The following RPA1 variants were observed in gnomAD, a reference collection of about 807,000 sequenced individuals.
RPA1 encodes replication protein A1.
RPA1 carries 49 observed loss-of-function variants against 83.0 expected under a neutral mutation model. That is an observed-to-expected ratio of 0.59 (90% CI 0.47 to 0.75). The LOEUF is 0.75. Ranked by LOEUF, RPA1 falls within the 30% of genes least tolerant of loss-of-function variation. RPA1 has a pLI of 0.00. For synonymous variants in RPA1, 279 were observed against 281.8 expected, an observed-to-expected ratio of 0.99 and a Z score of 0.10; for missense variants, 693 against 776.1, an observed-to-expected ratio of 0.89 and a Z score of 1.27.
chr17:1,861,364 T>G (rs1463494033), intron 5 of RPA1, among the ~76,000 whole-genome samples: 1 of 152,222 alleles, frequency 6.6e-6, no homozygotes, highest in African/African-American at 2.4e-5. Flanking sequence ...CAGCAGGCGC[T>G]ACCCCTCATT....
Position 1,896,781 on chromosome 17 carries a change from A to G in RPA1, c.1747-290A>G, listed in dbSNP as rs528232483. The stretch of plus-strand genomic sequence containing the variant: ...GGCTGTATCCCCTGCAGTAGGGAGA[A>G]TAAATGAAACTAGAGAAACCCTCTA... On this transcript the variant is annotated intron_variant, in intron 16 of 16. Transcript: ENST00000254719. Among the ~76,000 whole-genome samples, 3 of 152,340 alleles carry G rather than the reference A, an allele frequency of 2.0e-5. No individual in the cohort carries two copies. In the South Asian group the frequency reaches 6.2e-4, roughly 32 times the overall value.
chr17:1,891,265 C>T (rs1371670847), intron 14 of RPA1, among the ~76,000 whole-genome samples: 1 of 152,178 alleles, frequency 6.6e-6, no homozygotes, highest in Non-Finnish European at 1.5e-5. Context: ...AATTTGGTGA[C>T]TGACAGAGGC....
intron 5 of RPA1, among the ~76,000 whole-genome samples, chr17:1,864,831 T>C (rs1597440743): frequency 6.6e-6 from 1 of 151,246 alleles, no homozygotes; most frequent in Non-Finnish European, 1.5e-5. Flanking sequence ...GCCCGGGAGG[T>C]GGAAGTTGCA....
At chr17:1,849,235 G>A (rs979561459) in intron 4 of RPA1, among the ~76,000 whole-genome samples, 8 of 148,112 alleles carry the variant, frequency 5.4e-5, no homozygotes, top group African/African-American at 2.0e-4. Context: ...CTATTTAGTA[G>A]TTTATAGACA....
intron 8 of RPA1, among the ~76,000 whole-genome samples, chr17:1,878,666 T>G (rs1446446299): frequency 6.6e-6 from 1 of 152,218 alleles, no homozygotes; most frequent in Non-Finnish European, 1.5e-5. Context: ...TTCAACTTTT[T>G]TTGTTTTTAT....
chr17:1,856,829 A>G (rs1912718332), intron 5 of RPA1, among the ~76,000 whole-genome samples: 1 of 151,768 alleles, frequency 6.6e-6, no homozygotes. Context: ...ATATTATATA[A>G]CATACATATA....
chr17:1,847,281 C>A (rs1912298316), intron 4 of RPA1, among the ~76,000 whole-genome samples: 1 of 152,228 alleles, frequency 6.6e-6, no homozygotes, highest in Non-Finnish European at 1.5e-5. Flanking sequence ...GACCTTTTAT[C>A]TTCCACTCCA....
At position 1,897,477 on chromosome 17, in the gene RPA1, C is replaced by G; in HGVS notation, c.*302C>G. 1 of 266,928 alleles carries G rather than the reference C, an allele frequency of 3.7e-6. No homozygotes were observed. Among genetic ancestry groups the G allele is most frequent in the Admixed American group, 4.9e-5 (1 of 20,552 alleles). 16.5% of individuals were successfully genotyped at this position (266,928 alleles called of 1,614,324 possible). A position where few individuals can be genotyped will look rare whatever the true frequency, so the allele number is the denominator to read the frequency against. On this transcript the variant is annotated 3_prime_UTR_variant, in exon 17 of 17. Coordinates refer to ENST00000254719, the MANE Select transcript of RPA1 (RefSeq NM_002945.5). ...CATTATCATCAAGCAGGAATTATGTCGTAAGTCACTGACCCTAACTGCAGA... is the reference window on the plus strand; with the variant it reads ...CATTATCATCAAGCAGGAATTATGTGGTAAGTCACTGACCCTAACTGCAGA...
At chr17:1,869,617 A>G (rs2151282856) in intron 5 of RPA1, among the ~76,000 whole-genome samples, 1 of 152,330 alleles carries the variant, frequency 6.6e-6, no homozygotes, top group East Asian at 1.9e-4. Flanking sequence ...AAAGAGTCTG[A>G]GAACCATGAT....
rs774019120 is a variant in RPA1 at position 1,897,374 on chromosome 17, CTG to C, written c.*203_*204del. On this transcript the variant is annotated 3_prime_UTR_variant, in exon 17 of 17. Coordinates refer to ENST00000254719, the MANE Select transcript of RPA1 (RefSeq NM_002945.5). ...TACGCTCAGGTGGTTGTGGTGTAGACTGTGTCAGGCCTACGGAGTCAGCCAGT... is the reference window on the plus strand; with the variant it reads ...TACGCTCAGGTGGTTGTGGTGTAGACTGTCAGGCCTACGGAGTCAGCCAGT... The C allele has an allele frequency of 2.0e-5, 11 of 539,568 alleles. No individual in the cohort carries two copies. Among genetic ancestry groups the C allele is most frequent in the Admixed American group, 6.9e-5 (2 of 28,990 alleles). 33.4% of individuals were successfully genotyped at this position (539,568 alleles called of 1,614,324 possible). A position where few individuals can be genotyped will look rare whatever the true frequency, so the allele number is the denominator to read the frequency against.
intron 4 of RPA1, among the ~76,000 whole-genome samples, chr17:1,852,233 T>C (rs1912521941): frequency 6.6e-6 from 1 of 152,170 alleles, no homozygotes. Flanking sequence ...CAGTACAGTC[T>C]AGTAGGAGCG....
In RPA1 at chr17:1,880,556, A is replaced by G. The variant is rs1393290642; in HGVS notation, c.1106A>G (p.Asp369Gly). ...TLWGEDADKF[D>G]GSRQPVLAIK... Reference sequence around the variant, plus strand: ...TTTCTTTTACAGGCTGATAAATTTGATGGTTCTAGACAGCCCGTGTTGGCT... The same window carrying G: ...TTTCTTTTACAGGCTGATAAATTTGGTGGTTCTAGACAGCCCGTGTTGGCT... The change falls in exon 12 of 17, where the codon GAT becomes GGT. Residue 369 changes from aspartate (D) to glycine (G), a missense_variant. Physicochemically the swap from Asp to Gly is moderately conservative, Grantham distance 94 (BLOSUM62 -1). Transcript: ENST00000254719. The G allele has an allele frequency of 2.5e-6, 4 of 1,612,794 alleles. No individual in the cohort carries two copies. The East Asian group carries it at 6.7e-5, about 27-fold the overall frequency.
At chr17:1,870,883 T>C (rs549971939) in intron 5 of RPA1, among the ~76,000 whole-genome samples, 2 of 152,324 alleles carry the variant, frequency 1.3e-5, no homozygotes, top group South Asian at 4.1e-4. Flanking sequence ...GGCTTATGTA[T>C]TTTTATGGTA....
At chr17:1,871,825 C>G (rs1358215261) in intron 5 of RPA1, among the ~76,000 whole-genome samples, 1 of 152,100 alleles carries the variant, frequency 6.6e-6, no homozygotes, top group Non-Finnish European at 1.5e-5. Context: ...ATTGTCATCT[C>G]TCCCCGCTGT....
Position 1,899,175 on chromosome 17 carries a change from A to G in RPA1, c.*2000A>G, listed in dbSNP as rs547392405. The G allele has an allele frequency of 6.5e-6, 1 of 153,054 alleles. No homozygotes were observed. The highest frequency in any genetic ancestry group is 2.1e-4 in the South Asian group (1 of 4,826). The allele number at this position is 153,054 out of a possible 1,614,324, so 9.5% of individuals were successfully genotyped here. On this transcript the variant is annotated 3_prime_UTR_variant, in exon 17 of 17. Coordinates refer to ENST00000254719, the MANE Select transcript of RPA1 (RefSeq NM_002945.5). ...GGCTCCCTCGAGGAGGCTGTTTCTA[A>G]CAGATTTCCCCACTCAAAGATCAGA... is the stretch of plus-strand genomic sequence containing the variant.
chr17:1,842,767 T>C, intron 1 of RPA1, 36 bp from the exon 2 acceptor site: 1 of 1,576,416 alleles, frequency 6.3e-7, no homozygotes, highest in Non-Finnish European at 8.7e-7. Flanking sequence ...ATGATTTGAG[T>C]GCGTATCTCA....
At position 1,891,947 on chromosome 17, in the gene RPA1, C is replaced by T. The variant is rs1161367042; in HGVS notation, c.1659+7C>T. The T allele has an allele frequency of 6.4e-7, 1 of 1,573,832 alleles. No homozygotes were observed. Among genetic ancestry groups the T allele is most frequent in the Admixed American group, 1.7e-5 (1 of 58,226 alleles). On this transcript the variant is annotated splice_region_variant and intron_variant, in intron 15 of 16. Coordinates refer to ENST00000254719, the MANE Select transcript of RPA1 (RefSeq NM_002945.5). ...TGGGGAATTAAAAGACAAGGTCAGC[C>T]ACATATTTTATTATAACTTCTATAA...
At chr17:1,874,322 G>A (rs1341400819) in intron 6 of RPA1, among the ~76,000 whole-genome samples, 1 of 152,010 alleles carries the variant, frequency 6.6e-6, no homozygotes, top group Non-Finnish European at 1.5e-5. Context: ...CAAACATAGT[G>A]AGACCCGATC....
chr17:1,889,323 G>C (rs545298795), intron 14 of RPA1, among the ~76,000 whole-genome samples: 90 of 117,880 alleles, frequency 7.6e-4, no homozygotes, highest in African/African-American at 2.4e-3. Flanking sequence ...TTGTAAAGTT[G>C]GGTTTAAAAA....
Sources: allele counts gnomAD v4.1 joint callset (sites outside exome capture counted in the v4.1 genomes callset), GRCh38; gene constraint gnomAD v4.1.1; transcripts MANE v1.5; gene names NCBI Gene and HGNC (gene_info 2026-07-23, HGNC 2026-07-21).